The following FZR1 variants were observed in gnomAD, a reference collection of about 807,000 sequenced individuals.
FZR1 encodes the protein fizzy-related protein homolog.
A neutral mutation model predicts 63.6 loss-of-function variants in FZR1; 11 were observed. The ratio of observed to expected loss-of-function variants is 0.17; its 90% CI spans 0.11 to 0.29. The LOEUF (loss-of-function observed/expected upper bound fraction) is 0.29, where lower values mean the gene tolerates loss of function less well. FZR1 is among the 10% of genes least tolerant of loss of function. The probability of loss-of-function intolerance (pLI) is 1.00; values close to 1 mark genes in which losing one functional copy is unlikely to be tolerated. For missense variants in FZR1, 440 were observed against 687.5 expected, an observed-to-expected ratio of 0.64 and a Z score of 4.03; for synonymous variants, 328 against 297.9, an observed-to-expected ratio of 1.10 and a Z score of -1.04.
At position 3,525,761 on chromosome 19, in the gene FZR1, A is replaced by T; in HGVS notation, c.70-107A>T. On this transcript the variant is annotated intron_variant, in intron 2 of 13. Coordinates refer to ENST00000441788, the MANE Select transcript of FZR1 (RefSeq NM_016263.4). The surrounding 1 kb of genome is among the most constrained non-coding windows in gnomAD (Gnocchi z 4.2). The stretch of plus-strand genomic sequence containing the variant: ...CTGGCCCACCCCTTGGGTTTTCAAG[A>T]TCAAAGCCCCCTTTGCTCAGTGGCC... The T allele has an allele frequency of 7.2e-7, 1 of 1,396,554 alleles. No individual in the cohort carries two copies. Among genetic ancestry groups the T allele is most frequent in the South Asian group, 1.3e-5 (1 of 76,844 alleles). The allele number at this position is 1,396,554 out of a possible 1,614,324, so 86.5% of individuals were successfully genotyped here.
intron 7 of FZR1, among the ~76,000 whole-genome samples, chr19:3,528,027 C>T (rs1395329093): frequency 1.3e-5 from 2 of 151,344 alleles, no homozygotes; most frequent in Non-Finnish European, 3.0e-5. Context: ...GGCCTCCCAG[C>T]CACGGCCCTC....
chr19:3,524,570 C>T (rs889886738), intron 2 of FZR1, among the ~76,000 whole-genome samples: 5 of 152,204 alleles, frequency 3.3e-5, no homozygotes, highest in African/African-American at 1.2e-4. Flanking sequence ...GAATATGACC[C>T]TACGCAAGCC....
rs1199724138 is a variant in FZR1 at position 3,526,998 on chromosome 19, C to T, written c.406C>T (p.Arg136Cys). 8 of 1,611,802 alleles carry T rather than the reference C, an allele frequency of 5.0e-6. No individual in the cohort carries two copies. The highest frequency in any genetic ancestry group is 4.5e-5 in the East Asian group (2 of 44,878). Reference protein sequence around the residue: ...GLFTYSLSTKRSSPDDGNDVS... With the variant: ...GLFTYSLSTKCSSPDDGNDVS... ...TCCACAGTATTCCCTTAGCACCAAG[C>T]GCTCCAGCCCCGATGACGGCAACGA... The change falls in exon 6 of 14, where the codon CGC (arginine) becomes TGC (cysteine). Residue 136 changes from arginine (R) to cysteine (C), a missense_variant. Around this residue, in one of 5 missense-constraint regions of FZR1, gnomAD observed 200 missense variants for 245.1 expected, o/e 0.82. Coordinates refer to ENST00000441788, the MANE Select transcript of FZR1 (RefSeq NM_016263.4). The surrounding 1 kb of genome is among the most constrained non-coding windows in gnomAD (Gnocchi z 5.4).
chr19:3,532,367 T>A, intron 10 of FZR1, 50 bp from the exon 11 acceptor site: 1 of 1,450,526 alleles, frequency 6.9e-7, no homozygotes. Context: ...GACCGGCCTA[T>A]GGGACCACAG....
intron 1 of FZR1, among the ~76,000 whole-genome samples, chr19:3,513,601 C>T (rs1255346044): frequency 2.0e-5 from 3 of 152,212 alleles, no homozygotes; most frequent in Non-Finnish European, 4.4e-5. Context: ...TCCAGCTGTG[C>T]CAGCTGGTAG....
rs1397297106 is a variant in FZR1 at position 3,514,117 on chromosome 19, G to T, written c.-35+7643G>T. Among the ~76,000 whole-genome samples the T allele has an allele frequency of 6.6e-6, 1 of 152,084 alleles. No individual in the cohort carries two copies. Among genetic ancestry groups the T allele is most frequent in the African/African-American group, 2.4e-5 (1 of 41,424 alleles). ...GGCTTTGCATTGGTGCTGTTCCCAG[G>T]CCCTGTCTACACGGCAGACAGCCCC... On this transcript the variant is annotated intron_variant, in intron 1 of 13. Transcript: ENST00000441788. This position sits in a 1 kb window ranked among gnomAD's most constrained non-coding sequence, Gnocchi z 4.2.
intron 13 of FZR1, 50 bp from the exon 14 acceptor site, chr19:3,534,745 C>T (rs772072928): frequency 1.2e-5 from 18 of 1,563,348 alleles, no homozygotes; most frequent in Middle Eastern, 1.7e-4. Context: ...CAGGCAGCTT[C>T]CTCCCTGGGC....
At position 3,535,830 on chromosome 19, in the gene FZR1, C is replaced by A. The variant is rs772052693; in HGVS notation, c.*994C>A. The stretch of plus-strand genomic sequence containing the variant: ...TGTCCTGTCCACCAGCGCCAACAGC[C>A]GTGGGGAAGCCAAGGAGACCCAAGG... On this transcript the variant is annotated 3_prime_UTR_variant, in exon 14 of 14. Coordinates refer to ENST00000441788, the MANE Select transcript of FZR1 (RefSeq NM_016263.4). 6.6e-6 allele frequency: 1 copy of A among 152,318 alleles called. No homozygotes were observed. Among genetic ancestry groups the A allele is most frequent in the Non-Finnish European group, 1.5e-5 (1 of 68,108 alleles). The allele number at this position is 152,318 out of a possible 1,614,324, so 9.4% of individuals were successfully genotyped here.
chr19:3,509,490 TCTC>T (rs376885682), intron 1 of FZR1, among the ~76,000 whole-genome samples: 4 of 152,236 alleles, frequency 2.6e-5, no homozygotes, highest in Non-Finnish European at 4.4e-5. Flanking sequence ...TGGATACACT[TCTC>T]CTGCCGCACG....
rs1229429425 is a variant in FZR1 at position 3,516,493 on chromosome 19, TC to T, written c.-34-6461del. 1.3e-5 allele frequency among the ~76,000 whole-genome samples: 2 copies of T among 152,218 alleles called. No homozygotes were observed. The highest frequency in any genetic ancestry group is 4.8e-5 in the African/African-American group (2 of 41,464). ...TCTTATGGCTCCTGGATTTTGTTCT[TC>T]CTGCAGCGCAGCTGAGCGAGGGGCT... On this transcript the variant is annotated intron_variant, in intron 1 of 13. Coordinates refer to ENST00000441788, the MANE Select transcript of FZR1 (RefSeq NM_016263.4). The surrounding 1 kb of genome is among the most constrained non-coding windows in gnomAD (Gnocchi z 6.0).
intron 1 of FZR1, among the ~76,000 whole-genome samples, chr19:3,509,108 T>A (rs2083006701): frequency 6.6e-6 from 1 of 152,246 alleles, no homozygotes. Context: ...TGTCACTGCC[T>A]TGCCCACATG....
At chr19:3,507,914 C>T (rs1182412933) in intron 1 of FZR1, among the ~76,000 whole-genome samples, 1 of 152,220 alleles carries the variant, frequency 6.6e-6, no homozygotes, top group Non-Finnish European at 1.5e-5. Flanking sequence ...GGCCGCTGCC[C>T]GGCGCCTTGA....
Position 3,530,703 on chromosome 19 carries a change from T to A in FZR1, c.655-89T>A, listed in dbSNP as rs2083238241. 6.6e-6 allele frequency: 6 copies of A among 906,808 alleles called. No homozygotes were observed. In the South Asian group the frequency reaches 9.0e-5, roughly 14 times the overall value. The allele number at this position is 906,808 out of a possible 1,614,324, so 56.2% of individuals were successfully genotyped here. On this transcript the variant is annotated intron_variant, in intron 7 of 13. Transcript: ENST00000441788. ...GGATGGGAGAGTGGATGAGAGTGGA[T>A]GGGTGAGACAGTGGAGGGATGAATG...
rs996193238 is a variant in FZR1, at chr19:3,535,042, G to A, written c.*206G>A. 2.2e-5 allele frequency: 13 copies of A among 596,186 alleles called. No homozygotes were observed. The highest frequency in any genetic ancestry group is 1.6e-4 in the South Asian group (8 of 50,870). The allele number at this position is 596,186 out of a possible 1,614,324, so 36.9% of individuals were successfully genotyped here. A position where few individuals can be genotyped will look rare whatever the true frequency, so the allele number is the denominator to read the frequency against. On this transcript the variant is annotated 3_prime_UTR_variant, in exon 14 of 14. Transcript: ENST00000441788. ...CAGTATCTGGGGTGGGCACGTGGTC[G>A]GGGACCCTCAGCAGCAGGGGCTCTG... is the stretch of plus-strand genomic sequence containing the variant.
chr19:3,520,915 C>T (rs142485942), intron 1 of FZR1, among the ~76,000 whole-genome samples: 4 of 152,316 alleles, frequency 2.6e-5, no homozygotes, highest in East Asian at 1.9e-4. Flanking sequence ...AGGCAGGTGT[C>T]GCCTCGGCCC....
At chr19:3,532,997 C>T (rs1599794290) in intron 11 of FZR1, among the ~76,000 whole-genome samples, 1 of 151,870 alleles carries the variant, frequency 6.6e-6, no homozygotes, top group African/African-American at 2.4e-5. Context: ...CCACTCCGGG[C>T]GTGTCACCAG....
At chr19:3,509,468 A>G (rs762115848) in intron 1 of FZR1, among the ~76,000 whole-genome samples, 1 of 152,118 alleles carries the variant, frequency 6.6e-6, no homozygotes, top group African/African-American at 2.4e-5. Context: ...TTTTGCTCGT[A>G]GTAGCTTTAT....
chr19:3,519,762 G>A (rs2121928355), intron 1 of FZR1, among the ~76,000 whole-genome samples: 1 of 152,328 alleles, frequency 6.6e-6, no homozygotes, highest in East Asian at 1.9e-4. Flanking sequence ...CCCCCAGGGT[G>A]GGGTTTTCAT....
chr19:3,522,898 C>T (rs921163250), intron 1 of FZR1, 58 bp from the exon 2 acceptor site: 12 of 879,444 alleles, frequency 1.4e-5, no homozygotes, highest in South Asian at 2.6e-5. Flanking sequence ...AGGCGAGCCC[C>T]GTGGTCTCCG....
Sources: gnomAD v4.1 joint callset for allele counts (sites outside exome capture counted in the v4.1 genomes callset) on GRCh38, gnomAD v4.1.1 for gene constraint, gnomAD v4.1.1 regional missense constraint, Gnocchi (gnomAD v3.1) non-coding constraint, MANE v1.5 for transcripts, NCBI Gene and HGNC (gene_info 2026-07-23, HGNC 2026-07-21) for gene names.